NRG3: variants seen among roughly 807,000 people sequenced by gnomAD.
NRG3 encodes the protein neuregulin 3.
NRG3 carries 31 observed loss-of-function variants against 66.9 expected under a neutral mutation model. The observed-to-expected ratio is 0.46, with a 90% CI of 0.35 to 0.63. NRG3 has a LOEUF of 0.63. Among genes scored for constraint, NRG3 ranks in the 20% least tolerant of loss-of-function variants. The pLI is 0.00. For synonymous variants in NRG3, 393 were observed against 359.4 expected, an observed-to-expected ratio of 1.09 and a Z score of -1.06; for missense variants, 910 against 878.9, an observed-to-expected ratio of 1.04 and a Z score of -0.45.
chr10:82,169,210 T>C (rs1169681142), intron 1 of NRG3, among the ~76,000 whole-genome samples: 2 of 152,154 alleles, frequency 1.3e-5, no homozygotes, highest in African/African-American at 4.8e-5. Flanking sequence ...TTTATTCTTA[T>C]AATTCTAAAA....
In NRG3 at chr10:82,442,784, A is replaced by ATTTTTTTTTTTTTTTTTTTTTTT. The variant is rs61261285; in HGVS notation, c.953+83925_953+83947dup. 3.7e-5 allele frequency among the ~76,000 whole-genome samples: 2 copies of ATTTTTTTTTTTTTTTTTTTTTTT among 54,274 alleles called. 1 individual carries two copies. Among genetic ancestry groups the ATTTTTTTTTTTTTTTTTTTTTTT allele is most frequent in the African/African-American group, 1.8e-4 (2 of 11,008 alleles). 35.6% of individuals were successfully genotyped at this position (54,274 alleles called of 152,430 possible). A position where few individuals can be genotyped will look rare whatever the true frequency, so the allele number is the denominator to read the frequency against. ...CACCAAAGATCTTATTTCTGTGTGG[A>ATTTTTTTTTTTTTTTTTTTTTTT]TTTTTTTTTTTTTTTTTTTTTTTTT... On this transcript the variant is annotated intron_variant, in intron 2 of 8. Transcript: ENST00000372141.
At chr10:82,024,769 C>T (rs993056616) in intron 1 of NRG3, among the ~76,000 whole-genome samples, 7 of 152,036 alleles carry the variant, frequency 4.6e-5, no homozygotes, top group African/African-American at 1.7e-4. Flanking sequence ...TTTCTAACCC[C>T]CTTCCTACAT....
chr10:82,913,307 A>G (rs1845512542), intron 4 of NRG3, among the ~76,000 whole-genome samples: 1 of 152,218 alleles, frequency 6.6e-6, no homozygotes, highest in Non-Finnish European at 1.5e-5. Context: ...TTATTCATAA[A>G]CTATAACCAC....
intron 1 of NRG3, among the ~76,000 whole-genome samples, chr10:81,976,334 C>G (rs1243513365): frequency 6.6e-6 from 1 of 152,134 alleles, no homozygotes; most frequent in African/African-American, 2.4e-5. Context: ...ACTGCACTTA[C>G]TAGTAAAATA....
intron 1 of NRG3, among the ~76,000 whole-genome samples, chr10:81,923,349 G>A (rs1284861530): frequency 1.3e-5 from 2 of 151,998 alleles, no homozygotes; most frequent in Non-Finnish European, 2.9e-5. Context: ...GGGACTACAG[G>A]CGCCCGCCAC....
intron 2 of NRG3, among the ~76,000 whole-genome samples, chr10:82,414,178 T>C (rs543708244): frequency 1.3e-5 from 2 of 152,180 alleles, no homozygotes; most frequent in South Asian, 4.1e-4. Flanking sequence ...AGGTTAAAAG[T>C]GAGAGAGAAT....
chr10:82,027,997 G>A (rs575297723), intron 1 of NRG3, among the ~76,000 whole-genome samples: 3 of 152,148 alleles, frequency 2.0e-5, no homozygotes, highest in African/African-American at 7.2e-5. Context: ...ACTCTTTTTG[G>A]CTGGGTTGTA....
At chr10:82,828,655 C>T (rs1034641310) in intron 3 of NRG3, among the ~76,000 whole-genome samples, 1 of 152,138 alleles carries the variant, frequency 6.6e-6, no homozygotes, top group Non-Finnish European at 1.5e-5. Flanking sequence ...TACCATTACA[C>T]ATTTTTTAAA....
chr10:82,483,786 G>A (rs1842470584), intron 2 of NRG3, among the ~76,000 whole-genome samples: 1 of 152,140 alleles, frequency 6.6e-6, no homozygotes. Context: ...TGAGCGTCCT[G>A]GTGGATTTCA....
intron 2 of NRG3, among the ~76,000 whole-genome samples, chr10:82,599,625 C>A (rs980765365): frequency 6.6e-6 from 1 of 152,192 alleles, no homozygotes; most frequent in African/African-American, 2.4e-5. Context: ...ACCAACCTAG[C>A]CAACATGGTG....
intron 2 of NRG3, among the ~76,000 whole-genome samples, chr10:82,641,369 A>G (rs2050570391): frequency 1.3e-5 from 2 of 152,148 alleles, no homozygotes; most frequent in South Asian, 4.1e-4. Context: ...AATGTCTCAT[A>G]TATTCCATTT....
At chr10:82,963,767 C>T (rs1850917672) in intron 6 of NRG3, among the ~76,000 whole-genome samples, 2 of 152,174 alleles carry the variant, frequency 1.3e-5, no homozygotes, top group South Asian at 4.1e-4. Context: ...ATTCCAAAAA[C>T]TTGAAAATAA....
chr10:82,329,137 C>A (rs1165420811), intron 1 of NRG3, among the ~76,000 whole-genome samples: 9 of 152,324 alleles, frequency 5.9e-5, no homozygotes, highest in Non-Finnish European at 1.5e-5. Flanking sequence ...AATATTAACT[C>A]TTTCCACTTG....
intron 1 of NRG3, among the ~76,000 whole-genome samples, chr10:81,944,792 T>G (rs1848697606): frequency 6.6e-6 from 1 of 152,148 alleles, no homozygotes; most frequent in African/African-American, 2.4e-5. Context: ...AGATGGAAAT[T>G]ATCCCTTCCA....
chr10:82,043,275 A>C (rs1293631682), intron 1 of NRG3, among the ~76,000 whole-genome samples: 1 of 152,106 alleles, frequency 6.6e-6, no homozygotes, highest in African/African-American at 2.4e-5. Flanking sequence ...AAGAAAACAA[A>C]TAAGCAAGTT....
At chr10:82,881,692 C>G (rs1243519078) in intron 4 of NRG3, among the ~76,000 whole-genome samples, 1 of 152,142 alleles carries the variant, frequency 6.6e-6, no homozygotes, top group East Asian at 1.9e-4. Context: ...GGCTATCTGC[C>G]TAGCTATATA....
chr10:82,405,537 A>G (rs2087451494), intron 2 of NRG3, among the ~76,000 whole-genome samples: 1 of 144,922 alleles, frequency 6.9e-6, no homozygotes, highest in African/African-American at 2.7e-5. Context: ...GCTCACTGCA[A>G]CCTCCCCCTC....
intron 3 of NRG3, among the ~76,000 whole-genome samples, chr10:82,764,374 ATT>A (rs58671270): frequency 0.69 from 92,039 of 134,154 alleles, 31,179 homozygotes; most frequent in Admixed American, 0.78. Context: ...CCCTATGCAA[ATT>A]TTTTTTTTTT....
chr10:82,800,844 C>T (rs1348781540), intron 3 of NRG3, among the ~76,000 whole-genome samples: 1 of 152,084 alleles, frequency 6.6e-6, no homozygotes, highest in South Asian at 2.1e-4. Context: ...GAATCCAAAT[C>T]CTTTGACTTG....
Sources: gnomAD v4.1 joint callset for allele counts (sites outside exome capture counted in the v4.1 genomes callset) on GRCh38, gnomAD v4.1.1 for gene constraint, MANE v1.5 for transcripts, NCBI Gene and HGNC (gene_info 2026-07-23, HGNC 2026-07-21) for gene names.